The following RABEP2 variants were observed in gnomAD, a reference collection of about 807,000 sequenced individuals.
The protein encoded by RABEP2 is rab GTPase-binding effector protein 2.
RABEP2 carries 57 observed loss-of-function variants against 74.1 expected under a neutral mutation model. The observed-to-expected ratio is 0.77, with a 90% CI of 0.62 to 0.96. RABEP2 has a LOEUF of 0.96. RABEP2 is among the 40% of genes least tolerant of loss of function. The probability of loss-of-function intolerance (pLI) is 0.00; values close to 1 mark genes in which losing one functional copy is unlikely to be tolerated. For synonymous variants in RABEP2, 351 were observed against 344.0 expected (o/e 1.02, Z -0.23); for missense variants, 692 against 756.3 (o/e 0.91, Z 1.00).
chr16:28,912,659 C>T (rs1036655668), intron 5 of RABEP2, among the ~76,000 whole-genome samples: 2 of 152,012 alleles, frequency 1.3e-5, no homozygotes, highest in Non-Finnish European at 2.9e-5. Context: ...GCATTCTGCC[C>T]GCTTCAGTGT....
At chr16:28,920,388 T>C (rs1299785352) in intron 2 of RABEP2, among the ~76,000 whole-genome samples, 1 of 148,832 alleles carries the variant, frequency 6.7e-6, no homozygotes, top group Admixed American at 6.8e-5. Flanking sequence ...ATTATTATTA[T>C]TATTATTATT....
In RABEP2 at chr16:28,908,980, G is replaced by A. The variant is rs550329602; in HGVS notation, c.1090-216C>T. ...ATTACAGGCTGCTGCCAGGGCCCAA[G>A]CCAGATATTTTACTTGGTCTATATA... On this transcript the variant is annotated intron_variant, in intron 7 of 12. Coordinates refer to ENST00000358201, the MANE Select transcript of RABEP2 (RefSeq NM_024816.3). Among the ~76,000 whole-genome samples, 5 of 150,190 alleles carry A rather than the reference G, an allele frequency of 3.3e-5. No individual in the cohort carries two copies. In the South Asian group the frequency reaches 8.5e-4, roughly 26 times the overall value.
intron 3 of RABEP2, among the ~76,000 whole-genome samples, chr16:28,919,416 T>C (rs1006473382): frequency 2.6e-5 from 4 of 152,176 alleles, no homozygotes; most frequent in Non-Finnish European, 5.9e-5. Context: ...TCCCAAAGTG[T>C]TGGGATTATA....
At chr16:28,907,324 T>G (rs1964250349) in intron 8 of RABEP2, among the ~76,000 whole-genome samples, 1 of 152,014 alleles carries the variant, frequency 6.6e-6, no homozygotes, top group African/African-American at 2.4e-5. Flanking sequence ...ACCTGGCTAA[T>G]TTTTGTATTT....
chr16:28,921,349 TC>T (rs1964465948), intron 2 of RABEP2: 6 of 405,574 alleles, frequency 1.5e-5, no homozygotes, highest in Middle Eastern at 5.9e-4. Flanking sequence ...GGCTTGGATA[TC>T]CCAGAGGAAG....
At chr16:28,907,902 C>A (rs568850271) in intron 8 of RABEP2, among the ~76,000 whole-genome samples, 1 of 152,278 alleles carries the variant, frequency 6.6e-6, no homozygotes, top group Non-Finnish European at 1.5e-5. Context: ...TGGGTTCAAT[C>A]GATTCTCCAG....
chr16:28,904,771 C>A lies in RABEP2; in HGVS notation c.*172G>T, dbSNP rs1596691937. 11 of 662,168 alleles carry A rather than the reference C, an allele frequency of 1.7e-5. No homozygotes were observed. The highest frequency in any genetic ancestry group is 2.8e-5 in the Non-Finnish European group (11 of 395,608). 41.0% of individuals were successfully genotyped at this position (662,168 alleles called of 1,614,324 possible). A position where few individuals can be genotyped will look rare whatever the true frequency, so the allele number is the denominator to read the frequency against. ...TGATCCCTGAGAACAGGAGGCCCAG[C>A]CACCCTGGGAGGAGGCGCTGGAGGG... On this transcript the variant is annotated 3_prime_UTR_variant, in exon 13 of 13. Transcript: ENST00000358201.
At chr16:28,910,755 C>A in intron 7 of RABEP2, 133 bp downstream of exon 7, 1 of 768,358 alleles carries the variant, frequency 1.3e-6, no homozygotes, top group East Asian at 2.7e-5. Flanking sequence ...TACCTGGCAC[C>A]GGTTCCAGGG....
intron 3 of RABEP2, among the ~76,000 whole-genome samples, chr16:28,917,599 T>A (rs935577077): frequency 1.3e-5 from 2 of 152,174 alleles, no homozygotes; most frequent in East Asian, 1.9e-4. Context: ...TCTGTACTTT[T>A]TTAGTAGAGA....
At position 28,919,878 on chromosome 16, in the gene RABEP2, C is replaced by T; in HGVS notation, c.340G>A (p.Asp114Asn). Reference protein sequence around the residue: ...LKQERQQQQQDCEEKERELGR... With the variant: ...LKQERQQQQQNCEEKERELGR... Reference sequence around the variant, plus strand: ...AGCTCCCGCTCCTTCTCCTCACAGTCCTGCTGCTGCTGCTGTCGCTCCTGC... The same window carrying T: ...AGCTCCCGCTCCTTCTCCTCACAGTTCTGCTGCTGCTGCTGTCGCTCCTGC... The change falls in exon 3 of 13, where the codon GAC becomes AAC. Residue 114 changes from aspartate (D) to asparagine (N), a missense_variant. By Grantham distance (23) the Asp-to-Asn change is conservative. Transcript: ENST00000358201. 1 of 1,608,894 alleles carries T rather than the reference C, an allele frequency of 6.2e-7. No homozygotes were observed. The highest frequency in any genetic ancestry group is 8.5e-7 in the Non-Finnish European group (1 of 1,176,926).
rs1195812614 is a variant in RABEP2, at chr16:28,925,225, C to T, written c.-62G>A. 2 of 1,491,714 alleles carry T rather than the reference C, an allele frequency of 1.3e-6. No individual in the cohort carries two copies. Among genetic ancestry groups the T allele is most frequent in the African/African-American group, 2.8e-5 (2 of 70,436 alleles). The allele number at this position is 1,491,714 out of a possible 1,614,324, so 92.4% of individuals were successfully genotyped here. Reference sequence around the variant, plus strand: ...GTGACGGAGCGCACCGCTTCCGGGTCCTCTCGGCTGTTTCCGGATCCGCTC... The same window carrying T: ...GTGACGGAGCGCACCGCTTCCGGGTTCTCTCGGCTGTTTCCGGATCCGCTC... On this transcript the variant is annotated 5_prime_UTR_variant, in exon 1 of 13. Coordinates refer to ENST00000358201, the MANE Select transcript of RABEP2 (RefSeq NM_024816.3).
chr16:28,904,481 C>A lies in RABEP2; in HGVS notation c.*462G>T. 6.6e-7 allele frequency: 1 copy of A among 1,505,772 alleles called. No homozygotes were observed. The highest frequency in any genetic ancestry group is 2.6e-5 in the East Asian group (1 of 38,334). The allele number at this position is 1,505,772 out of a possible 1,614,324, so 93.3% of individuals were successfully genotyped here. On this transcript the variant is annotated 3_prime_UTR_variant, in exon 13 of 13. Coordinates refer to ENST00000358201, the MANE Select transcript of RABEP2 (RefSeq NM_024816.3). The stretch of plus-strand genomic sequence containing the variant: ...GGAAAAGTCTGGCCTTGCCTCTGTG[C>A]AAGCTTGGAGGCCTGGGTCGCCGCT...
chr16:28,906,103 C>T lies in RABEP2; in HGVS notation c.1339G>A (p.Val447Met), dbSNP rs1400171569. ...HGAERLRIEI[V>M]TLREALEEET... ...TCCTCCAGAGCCTCCCGCAGCGTCA[C>T]GATCTCGATCCGCAGGCGCTCGGCC... Residue 447 changes from valine (V) to methionine (M), a missense_variant, in exon 9 of 13, where the codon GTG becomes ATG. Val to Met is a conservative substitution (Grantham distance 21, BLOSUM62 1). Transcript: ENST00000358201. 4 of 1,596,238 alleles carry T rather than the reference C, an allele frequency of 2.5e-6. No individual in the cohort carries two copies. Among genetic ancestry groups the T allele is most frequent in the Middle Eastern group, 1.7e-4 (1 of 5,934 alleles).
At position 28,910,938 on chromosome 16, in the gene RABEP2, T is replaced by G; in HGVS notation, c.1039A>C (p.Thr347Pro). 6.2e-7 allele frequency: 1 copy of G among 1,613,066 alleles called. No homozygotes were observed. Among genetic ancestry groups the G allele is most frequent in the Non-Finnish European group, 8.5e-7 (1 of 1,179,592 alleles). ...QVQNSEQLLR[T>P]LQGTVSQAQE... is the part of the protein sequence containing the mutation. ...GCCTGGCTCACGGTCCCTTGCAGGG[T>G]CCGCAGCAGCTGCTCTGAGTTCTGG... is the stretch of plus-strand genomic sequence containing the variant. The change falls in exon 7 of 13, where the codon ACC (threonine) becomes CCC (proline). Residue 347 changes from threonine to proline, a missense_variant. By Grantham distance (38) the Thr-to-Pro change is conservative (BLOSUM62 -1). Transcript: ENST00000358201.
intron 8 of RABEP2, among the ~76,000 whole-genome samples, 185 bp from the exon 9 acceptor site, chr16:28,906,381 G>A (rs1478142809): frequency 6.6e-6 from 1 of 152,222 alleles, no homozygotes; most frequent in Non-Finnish European, 1.5e-5. Context: ...TCCGGCCCAG[G>A]AGAGGAAGCT....
Position 28,919,779 on chromosome 16 carries a change from T to C in RABEP2, c.432+7A>G. On this transcript the variant is annotated splice_region_variant and intron_variant, in intron 3 of 12. Transcript: ENST00000358201. ...CAGGGCAGCAGGGAAGCCATCCCAA[T>C]CCCAACCTTTTCCATCTGCTTCTCC... 1 of 1,602,002 alleles carries C rather than the reference T, an allele frequency of 6.2e-7. No individual in the cohort carries two copies. The highest frequency in any genetic ancestry group is 8.5e-7 in the Non-Finnish European group (1 of 1,172,022).
intron 2 of RABEP2, among the ~76,000 whole-genome samples, chr16:28,922,557 T>A (rs1964481020): frequency 6.6e-6 from 1 of 151,654 alleles, no homozygotes; most frequent in Admixed American, 6.6e-5. Flanking sequence ...CCGTCTCTAC[T>A]AAAAATTAAA....
At position 28,914,470 on chromosome 16, in the gene RABEP2, G is replaced by C; in HGVS notation, c.660C>G (p.Ala220=). ...CGCAGTTGTGAGCGAAGGCCTCAGC[G>C]GCTGGACCCCCATCTCCGCTCAGCT... ...LEELSGDGGP[A]AEAFAHNCDD... Residue 220 remains alanine (A), a synonymous_variant, in exon 5 of 13, where the codon GCC becomes GCG. Coordinates refer to ENST00000358201, the MANE Select transcript of RABEP2 (RefSeq NM_024816.3). The C allele has an allele frequency of 6.2e-7, 1 of 1,613,352 alleles. No homozygotes were observed. The highest frequency in any genetic ancestry group is 1.1e-5 in the South Asian group (1 of 91,074).
chr16:28,908,117 AT>A (rs1964260835), intron 8 of RABEP2, among the ~76,000 whole-genome samples: 1 of 151,906 alleles, frequency 6.6e-6, no homozygotes, highest in Admixed American at 6.6e-5. Flanking sequence ...ATTTTTTTGT[AT>A]TTTTAGTAGA....
Sources: allele counts gnomAD v4.1 joint callset (sites outside exome capture counted in the v4.1 genomes callset), GRCh38; gene constraint gnomAD v4.1.1; transcripts MANE v1.5; gene names NCBI Gene and HGNC (gene_info 2026-07-23, HGNC 2026-07-21).